Variants in SLC6A4 observed in about 807,000 individuals in gnomAD.
The protein encoded by SLC6A4 is sodium-dependent serotonin transporter.
SLC6A4 carries 22 observed loss-of-function variants against 73.4 expected under a neutral mutation model. That is an observed-to-expected ratio of 0.30 (90% CI 0.21 to 0.43). The LOEUF (loss-of-function observed/expected upper bound fraction) is 0.43, where lower values mean the gene tolerates loss of function less well. Among genes scored for constraint, SLC6A4 ranks in the 20% least tolerant of loss-of-function variants. The pLI is 1.00. For missense variants in SLC6A4, 593 were observed against 808.5 expected (o/e 0.73, Z 3.23); for synonymous variants, 270 against 315.5 (o/e 0.86, Z 1.53).
Position 30,209,204 on chromosome 17 carries a change from G to A in SLC6A4, c.1488C>T (p.Ala496=). 1.2e-6 allele frequency: 2 copies of A among 1,613,710 alleles called. No individual in the cohort carries two copies. The highest frequency in any genetic ancestry group is 1.7e-6 in the Non-Finnish European group (2 of 1,179,780). ...CGACAGTGAGCACTGCGGGCCCCGT[G>A]GCATACTCCTCCAGCAGCTTCACCA... ...AYVVKLLEEY[A]TGPAVLTVAL... Residue 496 remains alanine, a synonymous_variant, in exon 12 of 15, where the codon GCC becomes GCT. Transcript: ENST00000650711.
Position 30,212,856 on chromosome 17 carries a change from A to G in SLC6A4, c.1088T>C (p.Val363Ala), listed in dbSNP as rs371274847. The change falls in exon 9 of 15, where the codon GTG becomes GCG. Residue 363 changes from valine to alanine, a missense_variant. Coordinates refer to ENST00000650711, the MANE Select transcript of SLC6A4 (RefSeq NM_001045.6). ...FNNNCYQDAL[V>A]TSVVNCMTSF... Reference sequence around the variant, plus strand: ...CGTCATGCAGTTCACCACGCTGGTCACCAGGGCATCTCTGGAGGGGAAAAC... The same window carrying G: ...CGTCATGCAGTTCACCACGCTGGTCGCCAGGGCATCTCTGGAGGGGAAAAC... 4 of 1,613,984 alleles carry G rather than the reference A, an allele frequency of 2.5e-6. No individual in the cohort carries two copies. Among genetic ancestry groups the G allele is most frequent in the Non-Finnish European group, 3.4e-6 (4 of 1,180,016 alleles).
At chr17:30,208,317 G>T (rs1906271982) in intron 12 of SLC6A4, among the ~76,000 whole-genome samples, 1 of 152,132 alleles carries the variant, frequency 6.6e-6, no homozygotes, top group Non-Finnish European at 1.5e-5. Flanking sequence ...CATGACACTG[G>T]AAACTTTCAA....
At chr17:30,234,007 C>T (rs1249838767) in intron 1 of SLC6A4, among the ~76,000 whole-genome samples, 1 of 152,038 alleles carries the variant, frequency 6.6e-6, no homozygotes, top group Non-Finnish European at 1.5e-5. Context: ...GATCCATGCT[C>T]CTAACCCCCC....
chr17:30,199,044 C>T (rs1019721862), intron 14 of SLC6A4, among the ~76,000 whole-genome samples: 15 of 152,100 alleles, frequency 9.9e-5, no homozygotes, highest in Non-Finnish European at 2.2e-4. Context: ...ACCTGTAAAG[C>T]AATACTGGTT....
chr17:30,218,670 T>A, intron 4 of SLC6A4, 127 bp downstream of exon 4: 1 of 939,498 alleles, frequency 1.1e-6, no homozygotes, highest in South Asian at 1.5e-5. Flanking sequence ...CCTTAATTAC[T>A]CAAGCAGTCT....
chr17:30,226,433 C>T (rs1156474021), intron 1 of SLC6A4, among the ~76,000 whole-genome samples: 3 of 152,236 alleles, frequency 2.0e-5, no homozygotes, highest in Non-Finnish European at 2.9e-5. Context: ...GGCCAGCTGG[C>T]TCACGCCTGT....
chr17:30,208,657 T>G (rs562772142), intron 12 of SLC6A4, among the ~76,000 whole-genome samples: 1 of 152,298 alleles, frequency 6.6e-6, no homozygotes, highest in South Asian at 2.1e-4. Flanking sequence ...GTGTAACAAA[T>G]AACATGCAAA....
At chr17:30,232,146 C>T (rs1234215576) in intron 1 of SLC6A4, among the ~76,000 whole-genome samples, 3 of 152,082 alleles carry the variant, frequency 2.0e-5, no homozygotes, top group African/African-American at 7.2e-5. Context: ...CTCTTTTTTC[C>T]TGTATACACA....
chr17:30,208,302 T>G (rs1412851202), intron 12 of SLC6A4, among the ~76,000 whole-genome samples: 1 of 152,156 alleles, frequency 6.6e-6, no homozygotes, highest in African/African-American at 2.4e-5. Context: ...GACACTGACT[T>G]TGACCATGAC....
chr17:30,219,110 G>A (rs1906671558), intron 3 of SLC6A4, among the ~76,000 whole-genome samples, 179 bp from the exon 4 acceptor site: 1 of 152,184 alleles, frequency 6.6e-6, no homozygotes, highest in Non-Finnish European at 1.5e-5. Context: ...AGTCGTAGGG[G>A]GAGCACCATG....
At chr17:30,214,755 C>T (rs1287388853) in intron 8 of SLC6A4, among the ~76,000 whole-genome samples, 2 of 151,392 alleles carry the variant, frequency 1.3e-5, no homozygotes, top group East Asian at 2.0e-4. Context: ...GTCTCAGCCT[C>T]CTGAGTAGCT....
At chr17:30,230,097 A>AAGAAGG (rs1567824170) in intron 1 of SLC6A4, among the ~76,000 whole-genome samples, 2 of 112,716 alleles carry the variant, frequency 1.8e-5, no homozygotes, top group South Asian at 2.6e-4. Context: ...GAAGAAGAAG[A>AAGAAGG]GGAGGAAGAG....
At chr17:30,226,077 C>T (rs1255779180) in intron 1 of SLC6A4, among the ~76,000 whole-genome samples, 1 of 152,220 alleles carries the variant, frequency 6.6e-6, no homozygotes, top group Non-Finnish European at 1.5e-5. Context: ...AAAGACACTA[C>T]AGAAATGTTG....
intron 1 of SLC6A4, among the ~76,000 whole-genome samples, chr17:30,229,065 C>A (rs182319214): frequency 6.6e-6 from 1 of 152,282 alleles, no homozygotes; most frequent in Admixed American, 6.5e-5. Flanking sequence ...TTCTAAGGGG[C>A]CCTGTCCCTC....
rs769891567 is a variant in SLC6A4, at chr17:30,199,316, GA to G, written c.1819-787del. 4.6e-3 allele frequency among the ~76,000 whole-genome samples: 586 copies of G among 126,164 alleles called. 1 individual carries two copies. Among genetic ancestry groups the G allele is most frequent in the South Asian group, 7.6e-3 (29 of 3,798 alleles). 82.8% of individuals were successfully genotyped at this position (126,164 alleles called of 152,430 possible). Reference sequence around the variant, plus strand: ...AAAAGCAGCTCAGGGATATAGAGGAGAAAAAAAAAAAAACAGCCACACTGCA... The same window carrying G: ...AAAAGCAGCTCAGGGATATAGAGGAGAAAAAAAAAAAACAGCCACACTGCA... On this transcript the variant is annotated intron_variant, in intron 14 of 14. Coordinates refer to ENST00000650711, the MANE Select transcript of SLC6A4 (RefSeq NM_001045.6).
At position 30,198,430 on chromosome 17, in the gene SLC6A4, A is replaced by C. The variant is rs1905930750; in HGVS notation, c.*26T>G. On this transcript the variant is annotated 3_prime_UTR_variant, in exon 15 of 15. Coordinates refer to ENST00000650711, the MANE Select transcript of SLC6A4 (RefSeq NM_001045.6). ...AGAACTGGAGGAGGAGGTTGTGGAG[A>C]AGCCTTTTTCCTCTCGGTGAGTGTG... is the stretch of plus-strand genomic sequence containing the variant. 7.1e-7 allele frequency: 1 copy of C among 1,399,258 alleles called. No individual in the cohort carries two copies. Among genetic ancestry groups the C allele is most frequent in the African/African-American group, 1.4e-5 (1 of 69,326 alleles). 86.7% of individuals were successfully genotyped at this position (1,399,258 alleles called of 1,614,324 possible). A position where few individuals can be genotyped will look rare whatever the true frequency, so the allele number is the denominator to read the frequency against.
intron 14 of SLC6A4, 69 bp downstream of exon 14, chr17:30,203,103 A>G: frequency 1.6e-6 from 2 of 1,288,384 alleles, no homozygotes; most frequent in Non-Finnish European, 2.2e-6. Context: ...GAGCATAACA[A>G]GATAATCCTT....
At chr17:30,199,626 G>A (rs1031578594) in intron 14 of SLC6A4, among the ~76,000 whole-genome samples, 13 of 152,084 alleles carry the variant, frequency 8.5e-5, no homozygotes, top group African/African-American at 2.7e-4. Flanking sequence ...AGGGCAAAAT[G>A]CACAAAATTG....
At chr17:30,217,027 G>T in intron 6 of SLC6A4, 139 bp downstream of exon 6, 1 of 750,094 alleles carries the variant, frequency 1.3e-6, no homozygotes, top group Non-Finnish European at 2.1e-6. Context: ...AACAAATGCG[G>T]TGAAGAGAGA....
Sources: allele counts gnomAD v4.1 joint callset (sites outside exome capture counted in the v4.1 genomes callset), GRCh38; gene constraint gnomAD v4.1.1; transcripts MANE v1.5; gene names NCBI Gene and HGNC (gene_info 2026-07-23, HGNC 2026-07-21).